The following PRELID3A variants were observed in gnomAD, a reference collection of about 807,000 sequenced individuals.
PRELID3A encodes the protein PRELI domain containing protein 3A.
Under a neutral mutation model 23.0 loss-of-function variants are expected in PRELID3A, and 27 were observed. The observed-to-expected ratio is 1.17, with a 90% CI of 0.87 to 1.62. The LOEUF (loss-of-function observed/expected upper bound fraction) is 1.62. PRELID3A is among the 40% of genes most tolerant of loss of function. The pLI, the probability that PRELID3A is intolerant of heterozygous loss-of-function variation, is 0.00. For missense variants in PRELID3A, 231 were observed against 231.4 expected, an observed-to-expected ratio of 1.00 and a Z score of 0.01; for synonymous variants, 87 against 86.4, an observed-to-expected ratio of 1.01 and a Z score of -0.04.
At chr18:12,416,133 G>A (rs1210346386) in intron 1 of PRELID3A, among the ~76,000 whole-genome samples, 1 of 152,198 alleles carries the variant, frequency 6.6e-6, no homozygotes, top group Non-Finnish European at 1.5e-5. Context: ...TCCATTTTCA[G>A]CTTCTCTGGG....
intron 1 of PRELID3A, among the ~76,000 whole-genome samples, chr18:12,411,440 TG>T (rs760344728): frequency 2.8e-4 from 33 of 116,104 alleles, no homozygotes; most frequent in Non-Finnish European, 9.7e-5. Flanking sequence ...CACTCCAGCC[TG>T]GGCGACAGAG....
chr18:12,431,813 C>T lies in PRELID3A; in HGVS notation c.*697C>T, dbSNP rs1371341992. 6.6e-6 allele frequency: 1 copy of T among 152,302 alleles called. No individual in the cohort carries two copies. The highest frequency in any genetic ancestry group is 2.4e-5 in the African/African-American group (1 of 41,470). 9.4% of individuals were successfully genotyped at this position (152,302 alleles called of 1,614,324 possible). On this transcript the variant is annotated 3_prime_UTR_variant, in exon 7 of 7. Coordinates refer to ENST00000440960, the MANE Select transcript of PRELID3A (RefSeq NM_001142405.2). Reference sequence around the variant, plus strand: ...GCTGTGCCAGCCCCCTCCAGTCTGCCACTGCCGTGCCCGGGGGACATCCTG... The same window carrying T: ...GCTGTGCCAGCCCCCTCCAGTCTGCTACTGCCGTGCCCGGGGGACATCCTG...
At chr18:12,426,563 A>AAAAG (rs1555677301) in intron 3 of PRELID3A, among the ~76,000 whole-genome samples, 2 of 87,720 alleles carry the variant, frequency 2.3e-5, no homozygotes, top group East Asian at 8.0e-4. Flanking sequence ...CAAAAAAAAA[A>AAAAG]AAAGTATAAA....
chr18:12,420,605 A>T, intron 2 of PRELID3A, 112 bp downstream of exon 2: 1 of 939,390 alleles, frequency 1.1e-6, no homozygotes, highest in Non-Finnish European at 1.4e-6. Context: ...TTTGGCTGCC[A>T]TCGGGGTGGG....
At chr18:12,426,335 A>G (rs1283097082) in intron 3 of PRELID3A, among the ~76,000 whole-genome samples, 1 of 151,516 alleles carries the variant, frequency 6.6e-6, no homozygotes, top group Non-Finnish European at 1.5e-5. Context: ...CGGGCGGATC[A>G]CGAGGTCAGG....
intron 3 of PRELID3A, among the ~76,000 whole-genome samples, chr18:12,421,906 C>G (rs1470542854): frequency 1.3e-5 from 2 of 152,064 alleles, no homozygotes; most frequent in Non-Finnish European, 2.9e-5. Flanking sequence ...CTTGGGCACC[C>G]CCCACAGGAT....
In PRELID3A at chr18:12,408,025, G is replaced by T; in HGVS notation, c.32+18G>T. 7.9e-7 allele frequency: 1 copy of T among 1,263,598 alleles called. No homozygotes were observed. The allele number at this position is 1,263,598 out of a possible 1,614,324, so 78.3% of individuals were successfully genotyped here. On this transcript the variant is annotated intron_variant, in intron 1 of 6. Coordinates refer to ENST00000440960, the MANE Select transcript of PRELID3A (RefSeq NM_001142405.2). ...GTGTTTGGGTGAGGCCGGGCTGAGG[G>T]CCGCGGTGGGGCCGTCCAGACGCCG...
intron 3 of PRELID3A, among the ~76,000 whole-genome samples, chr18:12,426,308 A>C (rs2030363937): frequency 1.3e-5 from 2 of 151,748 alleles, no homozygotes; most frequent in South Asian, 4.2e-4. Context: ...TAATCCCAGC[A>C]CTTTGGGAGG....
intron 2 of PRELID3A, chr18:12,421,296 T>G: frequency 6.3e-6 from 3 of 475,156 alleles, no homozygotes; most frequent in African/African-American, 2.0e-5. Context: ...CGCAGCCTGT[T>G]TTATTTTGCC....
intron 1 of PRELID3A, among the ~76,000 whole-genome samples, chr18:12,408,296 G>A (rs551473533): frequency 6.6e-6 from 1 of 151,514 alleles, no homozygotes; most frequent in Non-Finnish European, 1.5e-5. Context: ...CAGCCAGGGC[G>A]GGGGCAGCCG....
chr18:12,413,547 C>T (rs888777945), intron 1 of PRELID3A, among the ~76,000 whole-genome samples: 1 of 152,168 alleles, frequency 6.6e-6, no homozygotes, highest in Admixed American at 6.5e-5. Flanking sequence ...CTCCTGGTAG[C>T]AGATACAAGT....
intron 5 of PRELID3A, 130 bp from the exon 6 acceptor site, chr18:12,429,220 A>G (rs1299359832): frequency 1.4e-6 from 1 of 723,658 alleles, no homozygotes; most frequent in Non-Finnish European, 2.4e-6. Context: ...ATCACTCGGA[A>G]AGGTCACTGC....
At chr18:12,412,493 G>A (rs1435977475) in intron 1 of PRELID3A, among the ~76,000 whole-genome samples, 2 of 152,176 alleles carry the variant, frequency 1.3e-5, no homozygotes, top group Non-Finnish European at 2.9e-5. Flanking sequence ...TAGCCCTATT[G>A]TTTTTCGAAA....
chr18:12,426,535 C>T (rs1430173825), intron 3 of PRELID3A, among the ~76,000 whole-genome samples: 2 of 57,426 alleles, frequency 3.5e-5, no homozygotes, highest in African/African-American at 1.3e-4. Context: ...GCCTGGGCTA[C>T]ACAGTGAGAC....
chr18:12,428,431 C>T (rs2030447227), intron 5 of PRELID3A, among the ~76,000 whole-genome samples: 1 of 152,196 alleles, frequency 6.6e-6, no homozygotes, highest in East Asian at 1.9e-4. Flanking sequence ...CTTCCCTTTC[C>T]TCCCTCTTTC....
rs146327883 is a variant in PRELID3A at position 12,418,266 on chromosome 18, AG to A, written c.33-2058del. 4.1e-3 allele frequency among the ~76,000 whole-genome samples: 632 copies of A among 152,356 alleles called. 4 individuals are homozygous for A. The highest frequency in any genetic ancestry group is 0.015 in the African/African-American group (610 of 41,578). ...CTACTGTTATAATTTATCGTGTAAA[AG>A]TGAAAGCAATCTACATAACATAACC... On this transcript the variant is annotated intron_variant, in intron 1 of 6. Coordinates refer to ENST00000440960, the MANE Select transcript of PRELID3A (RefSeq NM_001142405.2).
chr18:12,413,348 CAGG>C (rs1420352203), intron 1 of PRELID3A, among the ~76,000 whole-genome samples: 1 of 152,108 alleles, frequency 6.6e-6, no homozygotes, highest in Non-Finnish European at 1.5e-5. Context: ...GAGGCTGAGG[CAGG>C]AGGATTGCTT....
At chr18:12,418,249 A>G (rs185995107) in intron 1 of PRELID3A, among the ~76,000 whole-genome samples, 1 of 152,230 alleles carries the variant, frequency 6.6e-6, no homozygotes, top group Non-Finnish European at 1.5e-5. Flanking sequence ...CACTACTGTT[A>G]TAATTTATCG....
intron 5 of PRELID3A, among the ~76,000 whole-genome samples, chr18:12,428,586 C>T (rs1368157334): frequency 6.6e-6 from 1 of 152,192 alleles, no homozygotes; most frequent in Non-Finnish European, 1.5e-5. Context: ...CATTTAGTCT[C>T]ATCACCAATA....
Sources: gnomAD v4.1 joint callset for allele counts (sites outside exome capture counted in the v4.1 genomes callset) on GRCh38, gnomAD v4.1.1 for gene constraint, MANE v1.5 for transcripts, NCBI Gene and HGNC (gene_info 2026-07-23, HGNC 2026-07-21) for gene names.